Variants in FUT9 observed in about 807,000 individuals in gnomAD.
The protein encoded by FUT9 is fucosyltransferase 9, also known as 4-galactosyl-N-acetylglucosaminide 3-alpha-L-fucosyltransferase 9.
A neutral mutation model predicts 29.7 loss-of-function variants in FUT9; 15 were observed. That is an observed-to-expected ratio of 0.51 (90% CI 0.34 to 0.78). The LOEUF is 0.78. FUT9 is among the 30% of genes least tolerant of loss of function. The pLI is 0.01. For synonymous variants in FUT9, 169 were observed against 153.7 expected (o/e 1.10, Z -0.74); for missense variants, 319 against 425.4 (o/e 0.75, Z 2.20).
intron 2 of FUT9, among the ~76,000 whole-genome samples, chr6:96,115,625 C>T (rs1468892994): frequency 6.6e-6 from 1 of 152,116 alleles, no homozygotes; most frequent in East Asian, 1.9e-4. Context: ...AGTTTCCATA[C>T]TGGAAACTCT....
rs1004609881 is a variant in FUT9, at chr6:96,125,108, T to C, written c.-9+10981T>C. Among the ~76,000 whole-genome samples the C allele has an allele frequency of 3.9e-5, 6 of 152,216 alleles. No individual in the cohort carries two copies. The South Asian group carries it at 1.2e-3, about 31-fold the overall frequency. ...GGTCTCACCTCCTTTATCTGTAAAA[T>C]AGGAATTCTAGTACATGGGATGGTA... On this transcript the variant is annotated intron_variant, in intron 2 of 2. Transcript: ENST00000302103.
At chr6:96,044,114 A>G (rs1770516793) in intron 1 of FUT9, among the ~76,000 whole-genome samples, 2 of 152,254 alleles carry the variant, frequency 1.3e-5, no homozygotes, top group Admixed American at 6.5e-5. Flanking sequence ...CATAGGCATT[A>G]TAACTGACAA....
At chr6:96,020,626 C>T (rs1276778905) in intron 1 of FUT9, among the ~76,000 whole-genome samples, 4 of 152,024 alleles carry the variant, frequency 2.6e-5, no homozygotes, top group Non-Finnish European at 4.4e-5. Context: ...AAACTGTATT[C>T]TTGGTTATGG....
intron 2 of FUT9, among the ~76,000 whole-genome samples, chr6:96,121,122 G>T (rs2127964952): frequency 6.6e-6 from 1 of 152,058 alleles, no homozygotes. Flanking sequence ...CTTTATTTTG[G>T]TAACTAAAAA....
At chr6:96,175,180 G>A (rs1308992597) in intron 2 of FUT9, among the ~76,000 whole-genome samples, 1 of 151,900 alleles carries the variant, frequency 6.6e-6, no homozygotes, top group African/African-American at 2.4e-5. Flanking sequence ...AATATCTTGT[G>A]GCTCCCAGTT....
In FUT9 at chr6:96,203,224, G is replaced by T; in HGVS notation, c.69G>T (p.Met23Ile). Residue 23 changes from methionine (M) to isoleucine (I), a missense_variant, in exon 3 of 3, where the codon ATG becomes ATT. Transcript: ENST00000302103. The stretch of plus-strand genomic sequence containing the variant: ...TCTGCATTATCCTGGGCTGTTTCAT[G>T]GCATGTCTTCTCATTTACATCAAAC... ...LIVCIILGCF[M>I]ACLLIYIKPT... The T allele has an allele frequency of 6.2e-7, 1 of 1,613,160 alleles. No homozygotes were observed. Among genetic ancestry groups the T allele is most frequent in the Non-Finnish European group, 8.5e-7 (1 of 1,179,282 alleles).
chr6:96,124,873 C>T (rs985899861), intron 2 of FUT9, among the ~76,000 whole-genome samples: 1 of 152,140 alleles, frequency 6.6e-6, no homozygotes, highest in Non-Finnish European at 1.5e-5. Flanking sequence ...TAGTGACATT[C>T]GTCCTGGTTA....
intron 2 of FUT9, among the ~76,000 whole-genome samples, chr6:96,189,336 G>C (rs1252819439): frequency 1.4e-5 from 2 of 147,502 alleles, no homozygotes; most frequent in Admixed American, 7.0e-5. Flanking sequence ...ATCATCCAGG[G>C]CTCCTTAAGC....
At chr6:96,121,425 A>G (rs1370550785) in intron 2 of FUT9, among the ~76,000 whole-genome samples, 1 of 152,168 alleles carries the variant, frequency 6.6e-6, no homozygotes. Flanking sequence ...CTACAAAGAG[A>G]CAAGAAAACA....
chr6:96,086,444 T>C (rs1771318411), intron 1 of FUT9, among the ~76,000 whole-genome samples: 1 of 152,354 alleles, frequency 6.6e-6, no homozygotes, highest in South Asian at 2.1e-4. Context: ...CAGAAATTCT[T>C]AATTTTGATA....
chr6:96,156,244 G>T (rs533734906), intron 2 of FUT9, among the ~76,000 whole-genome samples: 24 of 152,096 alleles, frequency 1.6e-4, no homozygotes, highest in African/African-American at 5.3e-4. Context: ...CTATCACCAT[G>T]GTCTGTTTCT....
chr6:96,025,168 T>A (rs1285250702), intron 1 of FUT9, among the ~76,000 whole-genome samples: 1 of 151,798 alleles, frequency 6.6e-6, no homozygotes, highest in African/African-American at 2.4e-5. Flanking sequence ...TCTTTACTAT[T>A]GTCTGAAAGA....
chr6:96,134,039 A>T (rs963702320), intron 2 of FUT9, among the ~76,000 whole-genome samples: 16 of 151,748 alleles, frequency 1.1e-4, no homozygotes, highest in Non-Finnish European at 3.0e-5. Context: ...AAATATGATG[A>T]CAAGGTTTTC....
chr6:96,147,446 G>C (rs1434401946), intron 2 of FUT9, among the ~76,000 whole-genome samples: 2 of 152,136 alleles, frequency 1.3e-5, no homozygotes, highest in African/African-American at 4.8e-5. Context: ...TGGGATTATA[G>C]GCATGAGCCA....
chr6:96,134,764 G>A (rs1772316315), intron 2 of FUT9, among the ~76,000 whole-genome samples: 2 of 151,910 alleles, frequency 1.3e-5, no homozygotes, highest in South Asian at 4.2e-4. Flanking sequence ...TTATAACCAG[G>A]AACAACTGAT....
intron 1 of FUT9, among the ~76,000 whole-genome samples, chr6:96,065,979 C>G (rs143962142): frequency 6.6e-6 from 1 of 152,116 alleles, no homozygotes; most frequent in Non-Finnish European, 1.5e-5. Flanking sequence ...ATTTATCAAG[C>G]AACTGTTTTA....
chr6:96,201,238 T>A (rs1011406431), intron 2 of FUT9, among the ~76,000 whole-genome samples: 1 of 152,000 alleles, frequency 6.6e-6, no homozygotes, highest in African/African-American at 2.4e-5. Context: ...AATATTGGTA[T>A]TTCTGTATTT....
At chr6:96,113,334 G>T (rs533653777) in intron 1 of FUT9, among the ~76,000 whole-genome samples, 49 of 151,916 alleles carry the variant, frequency 3.2e-4, no homozygotes, top group African/African-American at 9.6e-4. Context: ...CATTTCCGAG[G>T]TTCAAGCGAT....
chr6:96,082,316 A>T (rs1046201230), intron 1 of FUT9, among the ~76,000 whole-genome samples: 17 of 151,790 alleles, frequency 1.1e-4, no homozygotes, highest in African/African-American at 4.1e-4. Context: ...AATACCTCTT[A>T]AAACAAGCTT....
Sources: allele counts gnomAD v4.1 joint callset (sites outside exome capture counted in the v4.1 genomes callset), GRCh38; gene constraint gnomAD v4.1.1; transcripts MANE v1.5; gene names NCBI Gene and HGNC (gene_info 2026-07-23, HGNC 2026-07-21).